Variants in NECAB1 observed in about 807,000 individuals in gnomAD.
NECAB1 encodes N-terminal EF-hand calcium binding protein 1.
In NECAB1, 29 loss-of-function variants were observed where a neutral mutation model predicts 57.5. The ratio of observed to expected loss-of-function variants is 0.50; its 90% CI spans 0.38 to 0.69. The LOEUF (loss-of-function observed/expected upper bound fraction) is 0.69. NECAB1 is among the 30% of genes least tolerant of loss of function. NECAB1 has a pLI of 0.00. For missense variants in NECAB1, 372 were observed against 413.8 expected, an observed-to-expected ratio of 0.90 and a Z score of 0.88; for synonymous variants, 142 against 147.7, an observed-to-expected ratio of 0.96 and a Z score of 0.28.
chr8:90,886,226 T>C (rs1443904458), intron 5 of NECAB1, among the ~76,000 whole-genome samples: 1 of 152,180 alleles, frequency 6.6e-6, no homozygotes, highest in East Asian at 1.9e-4. Context: ...GCAAAAATAT[T>C]GGTCTTCTGG....
At chr8:90,936,946 G>A (rs1810554387) in intron 9 of NECAB1, among the ~76,000 whole-genome samples, 1 of 152,080 alleles carries the variant, frequency 6.6e-6, no homozygotes, top group Non-Finnish European at 1.5e-5. Context: ...TTACGTATCA[G>A]AAGACAAACT....
intron 5 of NECAB1, among the ~76,000 whole-genome samples, chr8:90,902,749 T>C (rs2130032141): frequency 6.6e-6 from 1 of 152,222 alleles, no homozygotes; most frequent in African/African-American, 2.4e-5. Context: ...GGACTTTAAA[T>C]TAGTACTACC....
chr8:90,878,959 C>A (rs1808779718), intron 4 of NECAB1, among the ~76,000 whole-genome samples: 1 of 143,710 alleles, frequency 7.0e-6, no homozygotes, highest in South Asian at 2.1e-4. Flanking sequence ...TATCTTCTAA[C>A]TAATCACTGT....
intron 5 of NECAB1, among the ~76,000 whole-genome samples, chr8:90,909,666 T>C (rs1809779398): frequency 9.8e-6 from 1 of 101,730 alleles, no homozygotes; most frequent in African/African-American, 8.1e-5. Context: ...TGTGGTAATC[T>C]AGATTTTATT....
chr8:90,946,645 C>T (rs1810810059), intron 10 of NECAB1, among the ~76,000 whole-genome samples: 1 of 152,158 alleles, frequency 6.6e-6, no homozygotes, highest in South Asian at 2.1e-4. Context: ...TCAGATGTGC[C>T]TTCTGGCTCT....
intron 3 of NECAB1, among the ~76,000 whole-genome samples, chr8:90,864,182 A>G (rs765613630): frequency 3.3e-5 from 5 of 151,990 alleles, no homozygotes; most frequent in Non-Finnish European, 2.9e-5. Context: ...ATTCTTTACC[A>G]CAGAGAGTCT....
At chr8:90,889,083 C>T (rs1008998838) in intron 5 of NECAB1, among the ~76,000 whole-genome samples, 5 of 152,124 alleles carry the variant, frequency 3.3e-5, no homozygotes, top group African/African-American at 7.2e-5. Flanking sequence ...TGTATTATTA[C>T]TCTGTAAGAC....
chr8:90,951,348 T>G (rs1810921855), intron 12 of NECAB1, 144 bp downstream of exon 12: 1 of 536,918 alleles, frequency 1.9e-6, no homozygotes, highest in African/African-American at 2.0e-5. Context: ...GATTTGAGAT[T>G]GGGGGGAAGA....
At chr8:90,917,167 C>T (rs981090529) in intron 5 of NECAB1, among the ~76,000 whole-genome samples, 4 of 152,064 alleles carry the variant, frequency 2.6e-5, no homozygotes, top group African/African-American at 9.7e-5. Flanking sequence ...CTGATCTTCC[C>T]CCTCCGCCAC....
intron 5 of NECAB1, among the ~76,000 whole-genome samples, chr8:90,902,518 C>T (rs1255314555): frequency 1.3e-5 from 2 of 152,112 alleles, no homozygotes; most frequent in Admixed American, 1.3e-4. Context: ...GGCTCTCTGT[C>T]TCTCTTCATG....
intron 3 of NECAB1, among the ~76,000 whole-genome samples, chr8:90,861,800 T>A (rs1190452952): frequency 2.6e-5 from 4 of 152,174 alleles, no homozygotes; most frequent in Non-Finnish European, 1.5e-5. Flanking sequence ...AGATCACACA[T>A]CTGGTAAATG....
chr8:90,850,338 C>T (rs1484991613), intron 3 of NECAB1, among the ~76,000 whole-genome samples: 1 of 152,146 alleles, frequency 6.6e-6, no homozygotes, highest in Admixed American at 6.5e-5. Flanking sequence ...ATCTCAGTAA[C>T]TTAAAGATGG....
intron 5 of NECAB1, among the ~76,000 whole-genome samples, chr8:90,883,693 A>G (rs1419338696): frequency 6.6e-6 from 1 of 152,124 alleles, no homozygotes; most frequent in African/African-American, 2.4e-5. Context: ...CAAGGGCTAC[A>G]TGGATTATTT....
At chr8:90,884,527 C>T (rs1223061184) in intron 5 of NECAB1, among the ~76,000 whole-genome samples, 3 of 152,078 alleles carry the variant, frequency 2.0e-5, no homozygotes, top group Admixed American at 2.0e-4. Flanking sequence ...TTGTTTTAGG[C>T]AAAATATCCA....
At chr8:90,799,202 T>C (rs966144832) in intron 1 of NECAB1, among the ~76,000 whole-genome samples, 6 of 152,210 alleles carry the variant, frequency 3.9e-5, no homozygotes, top group Non-Finnish European at 2.9e-5. Context: ...ATTAGTAATA[T>C]GTTGAATACA....
chr8:90,936,453 G>C (rs376452734), intron 9 of NECAB1, among the ~76,000 whole-genome samples: 1 of 152,074 alleles, frequency 6.6e-6, no homozygotes, highest in Non-Finnish European at 1.5e-5. Context: ...GCTATCCTCA[G>C]ACTCATTTTA....
At chr8:90,800,534 A>G (rs1412327332) in intron 1 of NECAB1, among the ~76,000 whole-genome samples, 1 of 152,146 alleles carries the variant, frequency 6.6e-6, no homozygotes, top group African/African-American at 2.4e-5. Flanking sequence ...ATCATGAAGG[A>G]AGGTTGGATT....
intron 1 of NECAB1, among the ~76,000 whole-genome samples, chr8:90,800,518 G>GT (rs1291548092): frequency 2.6e-5 from 4 of 152,158 alleles, no homozygotes; most frequent in Admixed American, 6.5e-5. Flanking sequence ...TTTGTTCAGA[G>GT]TTTTTATCAT....
chr8:90,958,959 C>A lies in NECAB1; in HGVS notation c.*3447C>A. The stretch of plus-strand genomic sequence containing the variant: ...CCATTACAGTTATTGTTGCTAGATC[C>A]ACCTCATTTGCAGATGTCCAAACTT... On this transcript the variant is annotated 3_prime_UTR_variant, in exon 13 of 13. Transcript: ENST00000417640. The A allele has an allele frequency of 8.1e-7, 1 of 1,237,496 alleles. No individual in the cohort carries two copies. Among genetic ancestry groups the A allele is most frequent in the East Asian group, 2.7e-5 (1 of 36,624 alleles). 76.7% of individuals were successfully genotyped at this position (1,237,496 alleles called of 1,614,324 possible). A position where few individuals can be genotyped will look rare whatever the true frequency, so the allele number is the denominator to read the frequency against.
Sources: gnomAD v4.1 joint callset for allele counts (sites outside exome capture counted in the v4.1 genomes callset) on GRCh38, gnomAD v4.1.1 for gene constraint, MANE v1.5 for transcripts, NCBI Gene and HGNC (gene_info 2026-07-23, HGNC 2026-07-21) for gene names.